The following NCAPD3 variants were observed in gnomAD, a reference collection of about 807,000 sequenced individuals.
NCAPD3 encodes condensin-2 complex subunit D3.
In NCAPD3, 105 loss-of-function variants were observed where a neutral mutation model predicts 182.9. The ratio of observed to expected loss-of-function variants is 0.57; its 90% CI spans 0.49 to 0.68. NCAPD3 has a LOEUF of 0.68. Ranked by LOEUF, NCAPD3 falls within the 30% of genes least tolerant of loss-of-function variation. The probability of loss-of-function intolerance (pLI) is 0.00; values close to 1 mark genes in which losing one functional copy is unlikely to be tolerated. For missense variants in NCAPD3, 1,944 were observed against 1,837.0 expected (o/e 1.06, Z -1.07); for synonymous variants, 815 against 679.9 (o/e 1.20, Z -3.09).
intron 32 of NCAPD3, among the ~76,000 whole-genome samples, chr11:134,155,745 C>T (rs1943400768): frequency 6.6e-6 from 1 of 152,066 alleles, no homozygotes; most frequent in Non-Finnish European, 1.5e-5. Flanking sequence ...GAGCCAGGAA[C>T]ATCGAACACA....
At chr11:134,217,563 G>C (rs1275612195) in intron 2 of NCAPD3, among the ~76,000 whole-genome samples, 1 of 152,154 alleles carries the variant, frequency 6.6e-6, no homozygotes, top group African/African-American at 2.4e-5. Context: ...GGAAATGAAA[G>C]AGATCTCGGA....
chr11:134,214,335 A>AT (rs200320093), intron 3 of NCAPD3, among the ~76,000 whole-genome samples: 3,587 of 152,318 alleles, frequency 0.024, 49 homozygotes, highest in Non-Finnish European at 0.035. Context: ...AGTAATGACA[A>AT]GAAAAATTTG....
intron 24 of NCAPD3, among the ~76,000 whole-genome samples, chr11:134,171,041 G>A (rs955919831): frequency 2.0e-5 from 3 of 151,264 alleles, no homozygotes; most frequent in Admixed American, 6.6e-5. Context: ...ATGCTTCCTA[G>A]AACATTCCTT....
chr11:134,199,346 T>A (rs1484056111), intron 13 of NCAPD3, among the ~76,000 whole-genome samples: 2 of 152,178 alleles, frequency 1.3e-5, no homozygotes, highest in Non-Finnish European at 2.9e-5. Context: ...GGGCAGTATA[T>A]AAATTCTCCT....
chr11:134,163,981 C>T (rs1448548288), intron 27 of NCAPD3, among the ~76,000 whole-genome samples: 1 of 151,576 alleles, frequency 6.6e-6, no homozygotes, highest in African/African-American at 2.4e-5. Flanking sequence ...GTAAGGAAAC[C>T]ATGGAAATGG....
At position 134,210,262 on chromosome 11, in the gene NCAPD3, C is replaced by T; in HGVS notation, c.567+8G>A. 3.1e-6 allele frequency: 5 copies of T among 1,608,476 alleles called. No individual in the cohort carries two copies. The highest frequency in any genetic ancestry group is 4.2e-6 in the Non-Finnish European group (5 of 1,177,816). On this transcript the variant is annotated splice_region_variant and intron_variant, in intron 4 of 34. Transcript: ENST00000534548. The stretch of plus-strand genomic sequence containing the variant: ...GTATATATGTTTTATACTCAACTTA[C>T]TTCTTACCTCAATATCTTCTCTCCT...
In NCAPD3 at chr11:134,208,818, G is replaced by C. The variant is rs762943009; in HGVS notation, c.882+46C>G. 2.4e-6 allele frequency: 3 copies of C among 1,275,308 alleles called. No homozygotes were observed. The African/African-American group carries it at 4.4e-5, about 19-fold the overall frequency. 79.0% of individuals were successfully genotyped at this position (1,275,308 alleles called of 1,614,324 possible). A position where few individuals can be genotyped will look rare whatever the true frequency, so the allele number is the denominator to read the frequency against. On this transcript the variant is annotated intron_variant, in intron 7 of 34. Transcript: ENST00000534548. Reference sequence around the variant, plus strand: ...CATATTTCCATCATATGGTTCATGTGCCTTCGATTCAACTAGTAACCAAAT... The same window carrying C: ...CATATTTCCATCATATGGTTCATGTCCCTTCGATTCAACTAGTAACCAAAT...
upstream of NCAPD3, chr11:134,224,074 C>A: frequency 1.1e-6 from 1 of 950,544 alleles, no homozygotes; most frequent in Non-Finnish European, 1.6e-6. Flanking sequence ...TTCGCTCAAC[C>A]AATCACCGGC....
chr11:134,169,320 T>C (rs1262577302), intron 24 of NCAPD3, among the ~76,000 whole-genome samples: 1 of 152,218 alleles, frequency 6.6e-6, no homozygotes, highest in Admixed American at 6.5e-5. Flanking sequence ...GGTGTTGTCA[T>C]CCAGCTGCAG....
At chr11:134,184,462 T>A (rs918323991) in intron 19 of NCAPD3, among the ~76,000 whole-genome samples, 175 bp downstream of exon 19, 1 of 152,252 alleles carries the variant, frequency 6.6e-6, no homozygotes, top group Non-Finnish European at 1.5e-5. Context: ...CTAAATCTTC[T>A]TGGGGAATGT....
chr11:134,185,409 C>T lies in NCAPD3; in HGVS notation c.2163G>A (p.Leu721=). Residue 721 remains leucine, a synonymous_variant, in exon 17 of 35, where the codon CTG becomes CTA. Coordinates refer to ENST00000534548, the MANE Select transcript of NCAPD3 (RefSeq NM_015261.3). ...GTGAGGAGCCAGCAATCTTGGAGAG[C>T]AGCATCCAGGCAGGTGCCGAATGTT... ...GTEHSAPAWM[L]LSKIAGSSPR... The T allele has an allele frequency of 6.2e-7, 1 of 1,614,064 alleles. No homozygotes were observed. The highest frequency in any genetic ancestry group is 1.1e-5 in the South Asian group (1 of 91,058).
At chr11:134,194,829 A>G in intron 13 of NCAPD3, 91 bp from the exon 14 acceptor site, 1 of 797,328 alleles carries the variant, frequency 1.3e-6, no homozygotes. Context: ...AAATACACTC[A>G]TCTTAAAGAC....
intron 32 of NCAPD3, among the ~76,000 whole-genome samples, chr11:134,154,483 C>A (rs1035189232): frequency 1.3e-5 from 2 of 149,630 alleles, no homozygotes; most frequent in Non-Finnish European, 3.0e-5. Context: ...CTGCACCCCC[C>A]CCCCCACCGC....
chr11:134,190,339 C>T (rs1362431549), intron 16 of NCAPD3, among the ~76,000 whole-genome samples: 1 of 152,226 alleles, frequency 6.6e-6, no homozygotes, highest in East Asian at 1.9e-4. Context: ...TGCTTTCAGT[C>T]ATCTCAGTTA....
chr11:134,160,025 T>A lies in NCAPD3; in HGVS notation c.3734A>T (p.Asp1245Val). ...RDELKDFFAV[D>V]KQLASELEYD... ...CTCAAGCTCTGATGCCAGCTGTTTG[T>A]CAACTGCAAAGAAGTCCTTGAGCTC... The change falls in exon 29 of 35, where the codon GAC (aspartate) becomes GTC (valine). Residue 1245 changes from aspartate to valine, a missense_variant. Transcript: ENST00000534548. The A allele has an allele frequency of 6.2e-7, 1 of 1,614,144 alleles. No homozygotes were observed. Among genetic ancestry groups the A allele is most frequent in the Non-Finnish European group, 8.5e-7 (1 of 1,180,022 alleles).
intron 20 of NCAPD3, 76 bp from the exon 21 acceptor site, chr11:134,179,012 A>G (rs1944233731): frequency 5.3e-6 from 5 of 945,712 alleles, no homozygotes; most frequent in East Asian, 2.6e-5. Context: ...GGACATGTCA[A>G]TGGAGTATTT....
chr11:134,224,188 G>A (rs1291232998), upstream of NCAPD3: 3 of 578,552 alleles, frequency 5.2e-6, no homozygotes, highest in African/African-American at 1.9e-5. Context: ...GCCAGGGCCT[G>A]AGTTAAACCC....
intron 15 of NCAPD3, among the ~76,000 whole-genome samples, chr11:134,193,265 A>C (rs1368478888): frequency 6.6e-6 from 1 of 152,240 alleles, no homozygotes; most frequent in African/African-American, 2.4e-5. Flanking sequence ...CTATTATGAA[A>C]TAAAGAAATA....
rs1311838391 is a variant in NCAPD3 at position 134,156,501 on chromosome 11, CCT to C, written c.4252+515_4252+516del. On this transcript the variant is annotated intron_variant, in intron 32 of 34. Coordinates refer to ENST00000534548, the MANE Select transcript of NCAPD3 (RefSeq NM_015261.3). ...AAGAATACTCAACTCTCCTAACTCA[CCT>C]CTGTTTTGAAATCAAAGGAAAAGCA... Among the ~76,000 whole-genome samples the C allele has an allele frequency of 5.9e-5, 9 of 152,220 alleles. No homozygotes were observed. The South Asian group carries it at 6.2e-4, about 11-fold the overall frequency.
Sources: allele counts gnomAD v4.1 joint callset (sites outside exome capture counted in the v4.1 genomes callset), GRCh38; gene constraint gnomAD v4.1.1; transcripts MANE v1.5; gene names NCBI Gene and HGNC (gene_info 2026-07-23, HGNC 2026-07-21).